Variants in SLC14A2 observed in about 807,000 individuals in gnomAD.
SLC14A2 encodes solute carrier family 14 member 2.
Under a neutral mutation model 104.6 loss-of-function variants are expected in SLC14A2, and 91 were observed. The observed-to-expected ratio is 0.87, with a 90% CI of 0.73 to 1.04. The LOEUF is 1.04. SLC14A2 is among the 50% of genes least tolerant of loss of function. SLC14A2 has a pLI of 0.00. For synonymous variants in SLC14A2, 476 were observed against 466.4 expected (o/e 1.02, Z -0.27); for missense variants, 1,189 against 1,156.0 (o/e 1.03, Z -0.41).
At chr18:45,252,908 A>G (rs2144079967) in intron 1 of SLC14A2, among the ~76,000 whole-genome samples, 1 of 151,164 alleles carries the variant, frequency 6.6e-6, no homozygotes, top group South Asian at 2.1e-4. Context: ...GTTTCCTCCC[A>G]TCATGTTTTT....
intron 1 of SLC14A2, among the ~76,000 whole-genome samples, chr18:45,240,871 G>A (rs1334995867): frequency 6.6e-6 from 1 of 151,944 alleles, no homozygotes; most frequent in Non-Finnish European, 1.5e-5. Flanking sequence ...CGTTGTCCAG[G>A]CTGGTCTCGA....
At chr18:45,252,176 A>T (rs140728602) in intron 1 of SLC14A2, among the ~76,000 whole-genome samples, 2 of 152,188 alleles carry the variant, frequency 1.3e-5, no homozygotes, top group South Asian at 4.1e-4. Context: ...CCCTCTGAAC[A>T]TCTGTAACAG....
intron 2 of SLC14A2, among the ~76,000 whole-genome samples, chr18:45,544,545 G>T (rs963209428): frequency 8.6e-5 from 13 of 151,970 alleles, no homozygotes; most frequent in Admixed American, 3.3e-4. Flanking sequence ...GAAATATGTG[G>T]TTATTTTAAA....
At chr18:45,480,987 A>T (rs1185146473) in intron 1 of SLC14A2, among the ~76,000 whole-genome samples, 1 of 152,138 alleles carries the variant, frequency 6.6e-6, no homozygotes, top group Non-Finnish European at 1.5e-5. Context: ...AGAGACCTGA[A>T]GTCCAGGTAC....
intron 1 of SLC14A2, among the ~76,000 whole-genome samples, chr18:45,402,770 A>G (rs2086110703): frequency 1.3e-5 from 2 of 152,218 alleles, no homozygotes; most frequent in Non-Finnish European, 2.9e-5. Context: ...AGTTGAGACC[A>G]GAGTCAGATC....
chr18:45,498,421 C>T (rs575433184), intron 2 of SLC14A2, among the ~76,000 whole-genome samples: 18 of 152,236 alleles, frequency 1.2e-4, no homozygotes, highest in Non-Finnish European at 2.1e-4. Flanking sequence ...AGCTGCCAGA[C>T]GCCCAGAGCC....
intron 1 of SLC14A2, among the ~76,000 whole-genome samples, chr18:45,276,329 G>T (rs78430311): frequency 0.012 from 1,879 of 152,300 alleles, 49 homozygotes; most frequent in African/African-American, 0.044. Context: ...GCAGGTGCCT[G>T]GTTACTATAA....
Position 45,384,627 on chromosome 18 carries a change from C to T in SLC14A2, c.-124-98606C>T, listed in dbSNP as rs1397915832. Among the ~76,000 whole-genome samples the T allele has an allele frequency of 4.6e-5, 7 of 152,100 alleles. 1 individual carries two copies. The highest frequency in any genetic ancestry group is 4.2e-4 in the South Asian group (2 of 4,818). ...TGGATGGTATGTAGCCAACTACCCC[C>T]GCCCCCAACCAAAAGGTATTCAGTG... On this transcript the variant is annotated intron_variant, in intron 1 of 20. Coordinates refer to the SLC14A2 transcript ENST00000586448.
At chr18:45,322,175 T>A (rs986314665) in intron 1 of SLC14A2, among the ~76,000 whole-genome samples, 2 of 152,260 alleles carry the variant, frequency 1.3e-5, no homozygotes, top group African/African-American at 4.8e-5. Flanking sequence ...CTTATTCATT[T>A]GATCCAGCTG....
chr18:45,648,107 ATTGT>A (rs1475578912), intron 10 of SLC14A2, among the ~76,000 whole-genome samples: 1 of 150,720 alleles, frequency 6.6e-6, no homozygotes, highest in Non-Finnish European at 1.5e-5. Context: ...TAGTTACCAC[ATTGT>A]TTGATGCCTA....
intron 1 of SLC14A2, among the ~76,000 whole-genome samples, chr18:45,288,520 A>G (rs928185267): frequency 6.6e-6 from 1 of 152,096 alleles, no homozygotes; most frequent in Non-Finnish European, 1.5e-5. Flanking sequence ...CAGCTTCTGG[A>G]TAGAGGTGGG....
chr18:45,550,268 C>T (rs2044038895), intron 2 of SLC14A2: 1 of 152,202 alleles, frequency 6.6e-6, no homozygotes, highest in Non-Finnish European at 1.5e-5. Context: ...CCAGGCTGAC[C>T]TCTCAGCATC....
intron 1 of SLC14A2, among the ~76,000 whole-genome samples, chr18:45,388,541 G>A (rs73953173): frequency 1.7e-3 from 257 of 152,032 alleles, no homozygotes; most frequent in Non-Finnish European, 2.2e-3. Context: ...GCTATTTTTC[G>A]TCTGTTCTCT....
chr18:45,429,313 CTG>C (rs1383222725), intron 1 of SLC14A2, among the ~76,000 whole-genome samples: 3 of 152,150 alleles, frequency 2.0e-5, no homozygotes, highest in Non-Finnish European at 4.4e-5. Flanking sequence ...AGCCAGGAAA[CTG>C]TGGAGAGTCT....
At chr18:45,609,141 C>T (rs1382196497) in intron 2 of SLC14A2, among the ~76,000 whole-genome samples, 1 of 152,136 alleles carries the variant, frequency 6.6e-6, no homozygotes, top group Admixed American at 6.5e-5. Context: ...GAGCATCCAT[C>T]TGTCTCCCTG....
intron 1 of SLC14A2, among the ~76,000 whole-genome samples, chr18:45,276,090 G>T (rs759156709): frequency 1.3e-5 from 2 of 152,238 alleles, no homozygotes; most frequent in Non-Finnish European, 2.9e-5. Context: ...AGGCCCTGAG[G>T]CTGGCTGCTT....
At chr18:45,459,047 T>C (rs1306810325) in intron 1 of SLC14A2, among the ~76,000 whole-genome samples, 1 of 152,170 alleles carries the variant, frequency 6.6e-6, no homozygotes, top group Non-Finnish European at 1.5e-5. Context: ...GAATAAGGGT[T>C]GATTTTCAGA....
intron 1 of SLC14A2, among the ~76,000 whole-genome samples, chr18:45,392,815 T>G (rs1041450779): frequency 1.3e-5 from 2 of 152,192 alleles, no homozygotes; most frequent in Admixed American, 1.3e-4. Flanking sequence ...TTTAACAAAG[T>G]GGTAAGTTCT....
At chr18:45,376,809 T>C (rs896282561) in intron 1 of SLC14A2, among the ~76,000 whole-genome samples, 9 of 152,190 alleles carry the variant, frequency 5.9e-5, no homozygotes, top group African/African-American at 1.4e-4. Flanking sequence ...CAGATCTTGA[T>C]TTCTGATGGT....
Sources: gnomAD v4.1 joint callset for allele counts (sites outside exome capture counted in the v4.1 genomes callset) on GRCh38, gnomAD v4.1.1 for gene constraint, MANE v1.5 for transcripts, NCBI Gene and HGNC (gene_info 2026-07-23, HGNC 2026-07-21) for gene names.